The following ROR2 variants were observed in gnomAD, a reference collection of about 807,000 sequenced individuals.
ROR2 encodes ROR family WNT receptor 2, also known as tyrosine-protein kinase transmembrane receptor ROR2.
In ROR2, 33 loss-of-function variants were observed where a neutral mutation model predicts 74.9. The observed-to-expected ratio is 0.44, with a 90% CI of 0.33 to 0.59. ROR2 has a LOEUF of 0.59. Ranked by LOEUF, ROR2 falls within the 20% of genes least tolerant of loss-of-function variation. ROR2 has a pLI of 0.02. For missense variants in ROR2, 1,216 were observed against 1,313.8 expected (o/e 0.93, Z 1.15); for synonymous variants, 586 against 558.7 (o/e 1.05, Z -0.69).
At chr9:91,791,785 A>C (rs1826989258) in intron 1 of ROR2, among the ~76,000 whole-genome samples, 1 of 152,198 alleles carries the variant, frequency 6.6e-6, no homozygotes, top group African/African-American at 2.4e-5. Flanking sequence ...TGTTTTTCCT[A>C]AGTGCACATA....
In ROR2 at chr9:91,941,558, C is replaced by A. The variant is rs543133650; in HGVS notation, c.97+8309G>T. On this transcript the variant is annotated intron_variant, in intron 1 of 8. Transcript: ENST00000375708. ...ACAAACTCAGGAAAGACAAGTCTGA[C>A]AACACGTTTAAATAACTTACGCTCA... Among the ~76,000 whole-genome samples the A allele has an allele frequency of 3.3e-5, 5 of 152,292 alleles. No individual in the cohort carries two copies. The East Asian group carries it at 5.8e-4, about 18-fold the overall frequency.
chr9:91,796,802 AATGACACCCTGGGATCTGTGGGT>A (rs1827193476), intron 1 of ROR2, among the ~76,000 whole-genome samples: 2 of 63,492 alleles, frequency 3.1e-5, no homozygotes, highest in Non-Finnish European at 5.8e-5. Context: ...GTGGGTGGGG[AATGACACCCTGGGATCTGTGGGT>A]GGGGCTGACA....
At chr9:91,860,692 G>C (rs1259693107) in intron 1 of ROR2, among the ~76,000 whole-genome samples, 3 of 152,220 alleles carry the variant, frequency 2.0e-5, no homozygotes, top group Non-Finnish European at 4.4e-5. Context: ...GTGAAGGCAA[G>C]AGGAGGGTGT....
At chr9:91,776,044 C>G (rs531373804) in intron 1 of ROR2, among the ~76,000 whole-genome samples, 2 of 152,118 alleles carry the variant, frequency 1.3e-5, no homozygotes, top group African/African-American at 4.8e-5. Flanking sequence ...ATAGCAAATG[C>G]GGGGGCTTTG....
chr9:91,887,059 A>T (rs911444497), intron 1 of ROR2: 1 of 152,166 alleles, frequency 6.6e-6, no homozygotes, highest in African/African-American at 2.4e-5. Context: ...AAGGCTTGCT[A>T]GGACCCCTGC....
At chr9:91,863,823 T>C (rs1564007098) in intron 1 of ROR2, among the ~76,000 whole-genome samples, 1 of 152,148 alleles carries the variant, frequency 6.6e-6, no homozygotes, top group Non-Finnish European at 1.5e-5. Context: ...AAATTGATTG[T>C]GGTAATGGTT....
Position 91,733,078 on chromosome 9 carries a change from C to A in ROR2, c.937+44G>T. 1 of 1,532,176 alleles carries A rather than the reference C, an allele frequency of 6.5e-7. No individual in the cohort carries two copies. The highest frequency in any genetic ancestry group is 8.8e-7 in the Non-Finnish European group (1 of 1,139,502). The allele number at this position is 1,532,176 out of a possible 1,614,324, so 94.9% of individuals were successfully genotyped here. A position where few individuals can be genotyped will look rare whatever the true frequency, so the allele number is the denominator to read the frequency against. On this transcript the variant is annotated intron_variant, in intron 6 of 8. Transcript: ENST00000375708. This position sits in a 1 kb window ranked among gnomAD's most constrained non-coding sequence, Gnocchi z 5.7. ...CCATACACATTTCAAGGGCCCTACACTCCCTGCGCCCCCCGGTCCCGCCCC... is the reference window on the plus strand; with the variant it reads ...CCATACACATTTCAAGGGCCCTACAATCCCTGCGCCCCCCGGTCCCGCCCC...
chr9:91,831,451 T>TG (rs1828463675), intron 1 of ROR2, among the ~76,000 whole-genome samples: 1 of 152,072 alleles, frequency 6.6e-6, no homozygotes, highest in African/African-American at 2.4e-5. Flanking sequence ...TAGAGGCACC[T>TG]GGGGGGACAA....
chr9:91,927,983 C>A (rs1274939767), intron 1 of ROR2, among the ~76,000 whole-genome samples: 1 of 152,142 alleles, frequency 6.6e-6, no homozygotes, highest in African/African-American at 2.4e-5. Context: ...CTAGAGACTG[C>A]CCTTCCCAGG....
chr9:91,784,668 G>A (rs1382487084), intron 1 of ROR2, among the ~76,000 whole-genome samples: 1 of 152,146 alleles, frequency 6.6e-6, no homozygotes, highest in Non-Finnish European at 1.5e-5. Context: ...TTTTGTAGAC[G>A]TAAATTACAT....
intron 6 of ROR2, among the ~76,000 whole-genome samples, chr9:91,732,190 G>A (rs1330003878): frequency 6.6e-6 from 1 of 152,146 alleles, no homozygotes; most frequent in Non-Finnish European, 1.5e-5. Flanking sequence ...GAGGTGGCCC[G>A]TTCCCTAGGT....
chr9:91,936,837 C>T (rs867823436), intron 1 of ROR2, among the ~76,000 whole-genome samples: 10 of 150,994 alleles, frequency 6.6e-5, no homozygotes, highest in African/African-American at 2.2e-4. Flanking sequence ...GAGACCATCC[C>T]GGCTAAAACG....
intron 1 of ROR2, among the ~76,000 whole-genome samples, chr9:91,924,204 C>T (rs577217696): frequency 6.6e-6 from 1 of 152,228 alleles, no homozygotes; most frequent in African/African-American, 2.4e-5. Flanking sequence ...GTGATCCCTC[C>T]TGCTGCCCAG....
intron 1 of ROR2, among the ~76,000 whole-genome samples, chr9:91,912,670 A>G (rs1169615337): frequency 6.6e-6 from 1 of 152,258 alleles, no homozygotes; most frequent in African/African-American, 2.4e-5. Flanking sequence ...ACAAACATGT[A>G]ACAGGAAAAA....
intron 1 of ROR2, among the ~76,000 whole-genome samples, chr9:91,791,393 T>C (rs1273218709): frequency 1.3e-5 from 2 of 152,248 alleles, no homozygotes; most frequent in Non-Finnish European, 2.9e-5. Context: ...AAATACACTC[T>C]ATGATGCTCA....
At chr9:91,796,703 TG>T (rs975990487) in intron 1 of ROR2, among the ~76,000 whole-genome samples, 1 of 151,624 alleles carries the variant, frequency 6.6e-6, no homozygotes, top group African/African-American at 2.4e-5. Context: ...GCTGATACAC[TG>T]GGACTAGTAG....
chr9:91,801,938 G>A (rs1418358636), intron 1 of ROR2, among the ~76,000 whole-genome samples: 2 of 152,230 alleles, frequency 1.3e-5, no homozygotes, highest in Non-Finnish European at 1.5e-5. Flanking sequence ...CTCAGCGTCT[G>A]GGCAGATGGG....
At chr9:91,851,343 G>C (rs922333928) in intron 1 of ROR2, among the ~76,000 whole-genome samples, 2 of 136,536 alleles carry the variant, frequency 1.5e-5, no homozygotes, top group Admixed American at 7.9e-5. Context: ...GACAGAGCAA[G>C]ACTCCGTCTC....
chr9:91,918,794 T>C (rs1402798321), intron 1 of ROR2, among the ~76,000 whole-genome samples: 1 of 152,228 alleles, frequency 6.6e-6, no homozygotes, highest in Non-Finnish European at 1.5e-5. Context: ...AAATGTCCTG[T>C]GCACATAACT....
Sources: gnomAD v4.1 joint callset for allele counts (sites outside exome capture counted in the v4.1 genomes callset) on GRCh38, gnomAD v4.1.1 for gene constraint, Gnocchi (gnomAD v3.1) non-coding constraint, MANE v1.5 for transcripts, NCBI Gene and HGNC (gene_info 2026-07-23, HGNC 2026-07-21) for gene names.